SV2C: variants seen among roughly 807,000 people sequenced by gnomAD.
SV2C encodes solute carrier family 22 member B3.
SV2C carries 49 observed loss-of-function variants against 79.7 expected under a neutral mutation model. The ratio of observed to expected loss-of-function variants is 0.61; its 90% CI spans 0.49 to 0.78. SV2C has a LOEUF of 0.78. Among genes scored for constraint, SV2C ranks in the 30% least tolerant of loss-of-function variants. The pLI, the probability that SV2C is intolerant of heterozygous loss-of-function variation, is 0.00. For missense variants in SV2C, 833 were observed against 912.9 expected, an observed-to-expected ratio of 0.91 and a Z score of 1.13; for synonymous variants, 334 against 333.2, an observed-to-expected ratio of 1.00 and a Z score of -0.03.
At chr5:76,176,085 A>C (rs539319101) in intron 2 of SV2C, among the ~76,000 whole-genome samples, 14 of 152,334 alleles carry the variant, frequency 9.2e-5, no homozygotes, top group African/African-American at 3.4e-4. Flanking sequence ...TATTTGTGAC[A>C]ACCTTGTGTG....
intron 3 of SV2C, among the ~76,000 whole-genome samples, chr5:76,205,756 C>T (rs1413435889): frequency 6.6e-6 from 1 of 150,594 alleles, no homozygotes; most frequent in African/African-American, 2.5e-5. Flanking sequence ...TCCACATTAG[C>T]CCCCCACTGC....
At chr5:76,109,684 C>A (rs924072392) in intron 1 of SV2C, among the ~76,000 whole-genome samples, 9 of 152,084 alleles carry the variant, frequency 5.9e-5, no homozygotes, top group African/African-American at 2.2e-4. Context: ...GAGGCAGAGA[C>A]TGGAAAGATG....
At chr5:75,970,362 T>A in the SV2C span, among the ~76,000 whole-genome samples, 1 of 151,922 alleles carries the variant, frequency 6.6e-6, no homozygotes, top group East Asian at 1.9e-4. Context: ...AAAAAACCCT[T>A]CAAAAAATCA....
chr5:76,056,607 G>A, the SV2C span, among the ~76,000 whole-genome samples: 265 of 141,756 alleles, frequency 1.9e-3, 2 homozygotes, highest in African/African-American at 6.8e-3. Context: ...CTGTGAATCT[G>A]TCTGGTCCTG....
intron 4 of SV2C, among the ~76,000 whole-genome samples, chr5:76,258,472 C>T (rs755077713): frequency 1.3e-5 from 2 of 152,130 alleles, no homozygotes; most frequent in African/African-American, 4.8e-5. Context: ...GCTTGACCTT[C>T]GGTCACCTCT....
the SV2C span, among the ~76,000 whole-genome samples, chr5:75,896,350 G>A: frequency 5.3e-5 from 8 of 151,846 alleles, no homozygotes; most frequent in African/African-American, 1.9e-4. Flanking sequence ...TACTGAGAAT[G>A]CTGATTTCCA....
At chr5:76,212,777 T>C (rs912309388) in intron 4 of SV2C, among the ~76,000 whole-genome samples, 2 of 152,204 alleles carry the variant, frequency 1.3e-5, no homozygotes. Context: ...ATTCAGTTCC[T>C]CTGACTCTGC....
intron 2 of SV2C, among the ~76,000 whole-genome samples, chr5:76,159,400 C>A (rs952570997): frequency 2.6e-5 from 4 of 152,070 alleles, no homozygotes; most frequent in Middle Eastern, 3.2e-3. Context: ...CACTAAAAAA[C>A]CATTAAAACT....
intron 1 of SV2C, among the ~76,000 whole-genome samples, chr5:76,118,595 G>A (rs1748364113): frequency 6.6e-6 from 1 of 152,130 alleles, no homozygotes; most frequent in Admixed American, 6.6e-5. Flanking sequence ...CAGTATAGGT[G>A]AGAATCTAAG....
intron 1 of SV2C, among the ~76,000 whole-genome samples, chr5:76,093,913 A>G (rs530144182): frequency 7.2e-5 from 11 of 152,158 alleles, no homozygotes; most frequent in Non-Finnish European, 1.3e-4. Context: ...GATGTTGCCC[A>G]TTATATTACC....
chr5:76,151,672 G>A lies in SV2C; in HGVS notation c.580+19342G>A, dbSNP rs12657109. On this transcript the variant is annotated intron_variant, in intron 2 of 12. Coordinates refer to ENST00000502798, the MANE Select transcript of SV2C (RefSeq NM_014979.4). ...CAGACCAGGCGTTATGCCTTAATAC[G>A]AGAGTTCTGAGGTTGGCGGGGAGGT... 6.9e-3 allele frequency among the ~76,000 whole-genome samples: 1,057 copies of A among 152,282 alleles called. 14 individuals carry two copies. The highest frequency in any genetic ancestry group is 0.059 in the East Asian group (305 of 5,174).
At chr5:76,290,879 C>T (rs1580031915) in intron 6 of SV2C, among the ~76,000 whole-genome samples, 1 of 151,934 alleles carries the variant, frequency 6.6e-6, no homozygotes, top group East Asian at 1.9e-4. Context: ...CTAAATAATT[C>T]TTAATCCAGA....
intron 4 of SV2C, among the ~76,000 whole-genome samples, chr5:76,234,638 C>T (rs187305966): frequency 6.6e-6 from 1 of 152,294 alleles, no homozygotes; most frequent in East Asian, 1.9e-4. Context: ...TCACTGCCAC[C>T]GTCCTTAAAA....
chr5:75,911,444 C>A, the SV2C span: 1 of 972,074 alleles, frequency 1.0e-6, no homozygotes, highest in Non-Finnish European at 1.6e-6. Flanking sequence ...AGAGCCACTC[C>A]AAACCCCAGG....
At chr5:75,965,852 T>A in the SV2C span, among the ~76,000 whole-genome samples, 4 of 151,760 alleles carry the variant, frequency 2.6e-5, no homozygotes, top group Non-Finnish European at 4.4e-5. Flanking sequence ...AAAAGAAAAA[T>A]CAAGTACATA....
At chr5:76,115,032 G>C (rs2112147747) in intron 1 of SV2C, among the ~76,000 whole-genome samples, 1 of 152,316 alleles carries the variant, frequency 6.6e-6, no homozygotes, top group South Asian at 2.1e-4. Flanking sequence ...GCTAAAGGCA[G>C]TATGGGAGCC....
chr5:76,276,875 G>A (rs1747039910), intron 4 of SV2C, among the ~76,000 whole-genome samples: 1 of 151,918 alleles, frequency 6.6e-6, no homozygotes, highest in South Asian at 2.1e-4. Context: ...GGCCTTGTCT[G>A]TTAACATATC....
At chr5:76,282,001 G>T (rs1747213546) in intron 4 of SV2C, among the ~76,000 whole-genome samples, 1 of 152,196 alleles carries the variant, frequency 6.6e-6, no homozygotes, top group Non-Finnish European at 1.5e-5. Flanking sequence ...ACCATAAGAA[G>T]CTTCCTGCTG....
intron 1 of SV2C, among the ~76,000 whole-genome samples, chr5:76,092,734 C>T (rs1206999615): frequency 6.6e-6 from 1 of 152,110 alleles, no homozygotes; most frequent in Non-Finnish European, 1.5e-5. Context: ...TTGCTGTGGG[C>T]TGGGAATGTT....
Sources: gnomAD v4.1 joint callset for allele counts (sites outside exome capture counted in the v4.1 genomes callset) on GRCh38, gnomAD v4.1.1 for gene constraint, MANE v1.5 for transcripts, NCBI Gene and HGNC (gene_info 2026-07-23, HGNC 2026-07-21) for gene names.